Variants in ZRANB3 observed in about 807,000 individuals in gnomAD.
ZRANB3 encodes the protein DNA annealing helicase and endonuclease ZRANB3.
ZRANB3 carries 125 observed loss-of-function variants against 133.8 expected under a neutral mutation model. The ratio of observed to expected loss-of-function variants is 0.93; its 90% CI spans 0.81 to 1.08. ZRANB3 has a LOEUF of 1.08. ZRANB3 is among the 50% of genes least tolerant of loss of function. ZRANB3 has a pLI of 0.00. For missense variants in ZRANB3, 1,229 were observed against 1,275.5 expected (o/e 0.96, Z 0.56); for synonymous variants, 387 against 432.7 (o/e 0.89, Z 1.31).
intron 12 of ZRANB3, among the ~76,000 whole-genome samples, chr2:135,265,124 T>C (rs1370809259): frequency 1.3e-5 from 2 of 152,230 alleles, no homozygotes; most frequent in Non-Finnish European, 2.9e-5. Flanking sequence ...CTTTGGACAT[T>C]GTAATGCAAA....
intron 2 of ZRANB3, among the ~76,000 whole-genome samples, chr2:135,454,980 G>C (rs1690434932): frequency 1.3e-5 from 2 of 151,966 alleles, no homozygotes; most frequent in Admixed American, 1.3e-4. Context: ...AAATCCAACA[G>C]TCTTGCTATT....
At chr2:135,455,643 G>A (rs764106160) in intron 2 of ZRANB3, among the ~76,000 whole-genome samples, 1 of 145,108 alleles carries the variant, frequency 6.9e-6, no homozygotes, top group African/African-American at 2.6e-5. Context: ...CTAGGCCGGA[G>A]TGCAGTGGCG....
rs932053251 is a variant in ZRANB3 at position 135,197,364 on chromosome 2, G to C, written c.*2978C>G. 1 of 152,160 alleles carries C rather than the reference G, an allele frequency of 6.6e-6. No homozygotes were observed. Among genetic ancestry groups the C allele is most frequent in the Admixed American group, 6.5e-5 (1 of 15,274 alleles). The allele number at this position is 152,160 out of a possible 1,614,324, so 9.4% of individuals were successfully genotyped here. On this transcript the variant is annotated 3_prime_UTR_variant, in exon 21 of 21. Coordinates refer to ENST00000264159, the MANE Select transcript of ZRANB3 (RefSeq NM_032143.4). ...AATGCCTCATACTTTTATTTCTAAAGAAACTACATTTTAAATGTTTCACTC... is the reference window on the plus strand; with the variant it reads ...AATGCCTCATACTTTTATTTCTAAACAAACTACATTTTAAATGTTTCACTC...
chr2:135,249,292 A>G (rs1343033395), intron 12 of ZRANB3, among the ~76,000 whole-genome samples: 2 of 152,254 alleles, frequency 1.3e-5, no homozygotes, highest in Non-Finnish European at 2.9e-5. Flanking sequence ...AGGCACATGC[A>G]CAGGAATGTT....
chr2:135,458,286 T>C (rs900044066), intron 2 of ZRANB3, among the ~76,000 whole-genome samples: 2 of 152,108 alleles, frequency 1.3e-5, no homozygotes, highest in African/African-American at 2.4e-5. Context: ...TTCATTACTA[T>C]AGCTATGTAG....
intron 6 of ZRANB3, among the ~76,000 whole-genome samples, chr2:135,344,587 A>G (rs1261743060): frequency 2.6e-5 from 4 of 152,138 alleles, no homozygotes; most frequent in Non-Finnish European, 5.9e-5. Context: ...AATAACAAAA[A>G]TTAGCCGGGC....
At chr2:135,402,877 C>T (rs1207867402) in intron 2 of ZRANB3, among the ~76,000 whole-genome samples, 1 of 152,150 alleles carries the variant, frequency 6.6e-6, no homozygotes, top group African/African-American at 2.4e-5. Context: ...TGAACCACCG[C>T]ACCTGGCCAG....
chr2:135,372,940 G>A (rs1261426894), intron 3 of ZRANB3, among the ~76,000 whole-genome samples: 1 of 151,756 alleles, frequency 6.6e-6, no homozygotes, highest in Non-Finnish European at 1.5e-5. Flanking sequence ...AAATTAGCCT[G>A]ATGTGGTGAC....
chr2:135,413,644 T>A (rs919354718), intron 2 of ZRANB3, among the ~76,000 whole-genome samples: 2 of 152,182 alleles, frequency 1.3e-5, no homozygotes, highest in African/African-American at 4.8e-5. Context: ...TATAATTATA[T>A]GCTAGTTAAC....
chr2:135,217,644 C>T (rs1423706702), intron 16 of ZRANB3, 37 bp from the exon 17 acceptor site: 2 of 1,597,548 alleles, frequency 1.3e-6, no homozygotes, highest in South Asian at 2.3e-5. Flanking sequence ...TAACAGCTCA[C>T]AGGCAGATAT....
intron 12 of ZRANB3, among the ~76,000 whole-genome samples, chr2:135,253,460 C>G (rs564103827): frequency 4.6e-5 from 7 of 152,110 alleles, no homozygotes; most frequent in Non-Finnish European, 1.0e-4. Flanking sequence ...TGCTTAACAA[C>G]GGAGATACAG....
intron 12 of ZRANB3, among the ~76,000 whole-genome samples, chr2:135,257,983 C>T (rs943775246): frequency 7.2e-5 from 11 of 152,088 alleles, no homozygotes; most frequent in Admixed American, 2.0e-4. Context: ...CATGATGTTG[C>T]TCTGAAGGTT....
At chr2:135,509,634 T>C (rs1693351236) in intron 1 of ZRANB3, among the ~76,000 whole-genome samples, 1 of 152,176 alleles carries the variant, frequency 6.6e-6, no homozygotes, top group Non-Finnish European at 1.5e-5. Context: ...ATTTTGTCTT[T>C]TGTTTTTTTA....
At chr2:135,260,332 A>G (rs976507907) in intron 12 of ZRANB3, among the ~76,000 whole-genome samples, 2 of 152,126 alleles carry the variant, frequency 1.3e-5, no homozygotes, top group Non-Finnish European at 2.9e-5. Flanking sequence ...GATGGACTCC[A>G]AGGCAAGACT....
chr2:135,351,299 G>A (rs866129693), intron 4 of ZRANB3, among the ~76,000 whole-genome samples: 145 of 131,304 alleles, frequency 1.1e-3, no homozygotes, highest in African/African-American at 3.8e-3. Context: ...ACAGAGTCTC[G>A]CTCTGTTGCC....
In ZRANB3 at chr2:135,427,443, A is replaced by G. The variant is rs551052312; in HGVS notation, c.162-36623T>C. On this transcript the variant is annotated intron_variant, in intron 2 of 20. Transcript: ENST00000264159. ...AATGTCCAAGCTGAGTGCCAAATCA[A>G]GAGCCCAATCCATCCACAACAGCCA... Among the ~76,000 whole-genome samples, 14 of 152,316 alleles carry G rather than the reference A, an allele frequency of 9.2e-5. No individual in the cohort carries two copies. The East Asian group carries it at 2.7e-3, about 29-fold the overall frequency.
intron 12 of ZRANB3, 36 bp from the exon 13 acceptor site, chr2:135,230,963 G>A (rs1694987046): frequency 2.0e-6 from 3 of 1,503,802 alleles, no homozygotes; most frequent in Non-Finnish European, 2.7e-6. Context: ...AAAGTAAGAA[G>A]CAATCTAATA....
At chr2:135,246,006 C>A (rs1213046555) in intron 12 of ZRANB3, among the ~76,000 whole-genome samples, 1 of 144,578 alleles carries the variant, frequency 6.9e-6, no homozygotes, top group Non-Finnish European at 1.5e-5. Context: ...TGAATAGCTC[C>A]ATTTCTTTTC....
At chr2:135,457,074 A>G (rs1690553338) in intron 2 of ZRANB3, among the ~76,000 whole-genome samples, 1 of 152,234 alleles carries the variant, frequency 6.6e-6, no homozygotes. Context: ...CCATCATACA[A>G]TAAGTGGCCT....
Sources: allele counts gnomAD v4.1 joint callset (sites outside exome capture counted in the v4.1 genomes callset), GRCh38; gene constraint gnomAD v4.1.1; transcripts MANE v1.5; gene names NCBI Gene and HGNC (gene_info 2026-07-23, HGNC 2026-07-21).